Variants in UBE2D3 observed in about 807,000 individuals in gnomAD.
UBE2D3 encodes ubiquitin conjugating enzyme E2 D3, also known as ubiquitin-conjugating enzyme E2 D3.
A neutral mutation model predicts 22.8 loss-of-function variants in UBE2D3; 2 were observed. That is an observed-to-expected ratio of 0.09 (90% CI 0.04 to 0.28). UBE2D3 has a LOEUF of 0.28. UBE2D3 is among the 10% of genes least tolerant of loss of function. The probability of loss-of-function intolerance (pLI) is 1.00; values close to 1 mark genes in which losing one functional copy is unlikely to be tolerated. For synonymous variants in UBE2D3, 56 were observed against 60.4 expected (o/e 0.93, Z 0.34); for missense variants, 27 against 182.5 (o/e 0.15, Z 4.91).
At chr4:102,865,871 C>T (rs944142495) in intron 1 of UBE2D3, among the ~76,000 whole-genome samples, 2 of 152,144 alleles carry the variant, frequency 1.3e-5, no homozygotes, top group Non-Finnish European at 2.9e-5. Context: ...AATAATGACT[C>T]CTTTAACTGT....
At chr4:102,814,736 T>C (rs1208964304) in intron 2 of UBE2D3, among the ~76,000 whole-genome samples, 3 of 152,194 alleles carry the variant, frequency 2.0e-5, no homozygotes, top group Non-Finnish European at 4.4e-5. Context: ...CCACCCATCC[T>C]GAACCAAGAT....
chr4:102,849,860 TAA>T (rs1277676055), intron 1 of UBE2D3, among the ~76,000 whole-genome samples: 2 of 152,150 alleles, frequency 1.3e-5, no homozygotes, highest in Non-Finnish European at 2.9e-5. Context: ...AGGGATTGGG[TAA>T]AGTTTCCATA....
chr4:102,846,816 T>TC (rs2110362694), intron 1 of UBE2D3, among the ~76,000 whole-genome samples: 1 of 152,084 alleles, frequency 6.6e-6, no homozygotes, highest in East Asian at 1.9e-4. Context: ...ATTAAATTTT[T>TC]TTTTTTTTTT....
Position 102,795,589 on chromosome 4 carries a change from T to C in UBE2D3, c.*1826A>G, listed in dbSNP as rs1437134162. 1.3e-5 allele frequency: 2 copies of C among 152,076 alleles called. No individual in the cohort carries two copies. Among genetic ancestry groups the C allele is most frequent in the African/African-American group, 4.8e-5 (2 of 41,434 alleles). 9.4% of individuals were successfully genotyped at this position (152,076 alleles called of 1,614,324 possible). A position where few individuals can be genotyped will look rare whatever the true frequency, so the allele number is the denominator to read the frequency against. ...GCTGGTTTTTTCCCCAATGAAATGA[T>C]TACAGAATTAACAAAGCCAGAACAT... is the stretch of plus-strand genomic sequence containing the variant. On this transcript the variant is annotated 3_prime_UTR_variant, in exon 8 of 8. Coordinates refer to ENST00000453744, the MANE Select transcript of UBE2D3 (RefSeq NM_181891.3).
At chr4:102,851,650 TTTTTG>T (rs1180385259) in intron 1 of UBE2D3, among the ~76,000 whole-genome samples, 11 of 148,384 alleles carry the variant, frequency 7.4e-5, no homozygotes, top group Non-Finnish European at 1.3e-4. Flanking sequence ...CCCCCATTTT[TTTTTG>T]TTTTGTTTTG....
intron 2 of UBE2D3, chr4:102,811,959 C>A (rs7699703): frequency 0.012 from 2,412 of 203,132 alleles, 61 homozygotes; most frequent in African/African-American, 0.051. Flanking sequence ...TCTACTAGAA[C>A]AACTTATTCC....
At chr4:102,814,200 CA>C (rs1438906192) in intron 2 of UBE2D3, among the ~76,000 whole-genome samples, 3 of 149,514 alleles carry the variant, frequency 2.0e-5, no homozygotes, top group African/African-American at 7.3e-5. Flanking sequence ...TTTTGGCCTT[CA>C]AAAAATTGTA....
At chr4:102,862,741 T>C (rs1293487272) in intron 1 of UBE2D3, among the ~76,000 whole-genome samples, 1 of 152,252 alleles carries the variant, frequency 6.6e-6, no homozygotes, top group Non-Finnish European at 1.5e-5. Flanking sequence ...AATTGCCCTT[T>C]AACTACCAGA....
intron 2 of UBE2D3, among the ~76,000 whole-genome samples, chr4:102,821,700 ATACCCCATT>A (rs1488291380): frequency 1.3e-5 from 2 of 152,196 alleles, no homozygotes; most frequent in Non-Finnish European, 2.9e-5. Context: ...CTCGAGGTAT[ATACCCCATT>A]TACCCTGATG....
chr4:102,809,526 T>C (rs1487919446), intron 4 of UBE2D3, 146 bp downstream of exon 4: 11 of 863,252 alleles, frequency 1.3e-5, no homozygotes, highest in Non-Finnish European at 1.9e-5. Context: ...CATTATGTTT[T>C]TTCTTTCAAA....
intron 1 of UBE2D3, among the ~76,000 whole-genome samples, chr4:102,862,921 T>A (rs1436814780): frequency 6.6e-6 from 1 of 152,166 alleles, no homozygotes; most frequent in Non-Finnish European, 1.5e-5. Flanking sequence ...CTGCTTCTTG[T>A]GAAATCTTCA....
upstream of UBE2D3, chr4:102,827,685 G>C (rs1578273662): frequency 1.0e-6 from 1 of 985,758 alleles, no homozygotes; most frequent in Non-Finnish European, 1.2e-6. Flanking sequence ...CCCACGTCCG[G>C]GGCCGAGTGA....
At chr4:102,821,995 T>C (rs1383964522) in intron 2 of UBE2D3, among the ~76,000 whole-genome samples, 1 of 152,232 alleles carries the variant, frequency 6.6e-6, no homozygotes, top group African/African-American at 2.4e-5. Flanking sequence ...ACCTAGTTTC[T>C]TTTTTAATAG....
intron 7 of UBE2D3, among the ~76,000 whole-genome samples, chr4:102,798,455 A>T (rs952779266): frequency 3.3e-5 from 5 of 151,652 alleles, no homozygotes; most frequent in Non-Finnish European, 5.9e-5. Flanking sequence ...CAGCACTTTA[A>T]AACAAAGGCT....
At chr4:102,839,823 A>G (rs965066446) in intron 1 of UBE2D3, among the ~76,000 whole-genome samples, 1 of 152,272 alleles carries the variant, frequency 6.6e-6, no homozygotes, top group African/African-American at 2.4e-5. Context: ...TAAAAAGCTC[A>G]GCAAAGGAAA....
At position 102,860,338 on chromosome 4, in the gene UBE2D3, GGT is replaced by G. The variant is rs372393724; in HGVS notation, c.-129+8375_-129+8376del. The stretch of plus-strand genomic sequence containing the variant: ...GTTCCTTTGGTTGTCATGTTTTCTT[GGT>G]GTGTGTGTGTGTGTGTTCAACTGCT... On this transcript the variant is annotated intron_variant, in intron 1 of 7. Coordinates refer to the UBE2D3 transcript ENST00000338145. Among the ~76,000 whole-genome samples the G allele has an allele frequency of 2.7e-3, 390 of 146,808 alleles. 4 individuals carry two copies. The highest frequency in any genetic ancestry group is 9.6e-3 in the African/African-American group (381 of 39,768).
exon 1 of UBE2D3, chr4:102,868,845 C>G (rs886248509): frequency 6.4e-7 from 1 of 1,560,412 alleles, no homozygotes; most frequent in African/African-American, 1.4e-5. Context: ...ACACGAGATT[C>G]CGAGGAGGGC....
intron 2 of UBE2D3, among the ~76,000 whole-genome samples, chr4:102,815,350 T>C (rs1166443983): frequency 2.6e-5 from 4 of 152,094 alleles, no homozygotes; most frequent in African/African-American, 9.7e-5. Flanking sequence ...AGAATAAATA[T>C]TAAGATAAAA....
chr4:102,865,001 A>C (rs1340189091), intron 1 of UBE2D3, among the ~76,000 whole-genome samples: 1 of 152,226 alleles, frequency 6.6e-6, no homozygotes, highest in African/African-American at 2.4e-5. Context: ...TCCCTTTCTC[A>C]TGCACAAAAA....
Sources: gnomAD v4.1 joint callset for allele counts (sites outside exome capture counted in the v4.1 genomes callset) on GRCh38, gnomAD v4.1.1 for gene constraint, MANE v1.5 for transcripts, NCBI Gene and HGNC (gene_info 2026-07-23, HGNC 2026-07-21) for gene names.